The following ASTN1 variants were observed in gnomAD, a reference collection of about 807,000 sequenced individuals.
ASTN1 encodes astrotactin 1.
A neutral mutation model predicts 140.7 loss-of-function variants in ASTN1; 41 were observed. The observed-to-expected ratio is 0.29, with a 90% CI of 0.23 to 0.38. The LOEUF (loss-of-function observed/expected upper bound fraction) is 0.38. Among genes scored for constraint, ASTN1 ranks in the 10% least tolerant of loss-of-function variants. The probability of loss-of-function intolerance (pLI) is 1.00; values close to 1 mark genes in which losing one functional copy is unlikely to be tolerated. For missense variants in ASTN1, 1,479 were observed against 1,678.8 expected (o/e 0.88, Z 2.08); for synonymous variants, 640 against 652.2 (o/e 0.98, Z 0.29).
chr1:176,949,134 G>A, intron 12 of ASTN1, 51 bp downstream of exon 12: 1 of 1,604,348 alleles, frequency 6.2e-7, no homozygotes, highest in Non-Finnish European at 8.5e-7. Flanking sequence ...TGAAAGTCCT[G>A]CGTCCTGGGA....
chr1:177,058,978 G>T (rs982777472), intron 2 of ASTN1, among the ~76,000 whole-genome samples: 1 of 152,028 alleles, frequency 6.6e-6, no homozygotes, highest in African/African-American at 2.4e-5. Flanking sequence ...GCAGATTCTC[G>T]CACTATGCCC....
intron 2 of ASTN1, among the ~76,000 whole-genome samples, chr1:177,052,726 C>T (rs769414893): frequency 6.6e-6 from 1 of 152,206 alleles, no homozygotes; most frequent in African/African-American, 2.4e-5. Context: ...CTCACCATGA[C>T]AGCATCTTGT....
At chr1:177,078,132 C>T (rs535099429) in intron 1 of ASTN1, among the ~76,000 whole-genome samples, 18 of 152,118 alleles carry the variant, frequency 1.2e-4, no homozygotes, top group East Asian at 5.8e-4. Context: ...ACACCAGGTA[C>T]GATGGTAGGG....
Position 177,164,697 on chromosome 1 carries a change from C to T in ASTN1, c.-21G>A. On this transcript the variant is annotated 5_prime_UTR_variant, in exon 1 of 23. Transcript: ENST00000361833. ...GCCATCTTGAGCCCCGGCCGCCTTC[C>T]TCCTAGCGCTGCGATGGTGGGGGAG... 6.6e-7 allele frequency: 1 copy of T among 1,526,080 alleles called. No individual in the cohort carries two copies. Among genetic ancestry groups the T allele is most frequent in the Non-Finnish European group, 8.8e-7 (1 of 1,140,112 alleles). 94.5% of individuals were successfully genotyped at this position (1,526,080 alleles called of 1,614,324 possible). A position where few individuals can be genotyped will look rare whatever the true frequency, so the allele number is the denominator to read the frequency against.
At chr1:177,137,386 T>C (rs974173664) in intron 1 of ASTN1, among the ~76,000 whole-genome samples, 2 of 151,912 alleles carry the variant, frequency 1.3e-5, no homozygotes, top group Non-Finnish European at 2.9e-5. Context: ...TTAACTAAGA[T>C]GAAAATAATG....
intron 14 of ASTN1, among the ~76,000 whole-genome samples, chr1:176,938,779 T>C (rs542336230): frequency 1.5e-4 from 23 of 152,208 alleles, no homozygotes; most frequent in Non-Finnish European, 2.8e-4. Flanking sequence ...ATCTGCCTTA[T>C]AGGCAGGTTG....
At chr1:177,132,722 G>A (rs757814674) in intron 1 of ASTN1, among the ~76,000 whole-genome samples, 1 of 152,146 alleles carries the variant, frequency 6.6e-6, no homozygotes, top group Admixed American at 6.5e-5. Flanking sequence ...AAGCCACCTC[G>A]TATCCTGCCT....
At chr1:177,005,496 A>C (rs1674946834) in intron 8 of ASTN1, among the ~76,000 whole-genome samples, 1 of 152,226 alleles carries the variant, frequency 6.6e-6, no homozygotes, top group Non-Finnish European at 1.5e-5. Context: ...AAGGAAAACT[A>C]GTCACTATAT....
At chr1:176,922,978 C>A (rs1317153662) in intron 16 of ASTN1, among the ~76,000 whole-genome samples, 1 of 152,106 alleles carries the variant, frequency 6.6e-6, no homozygotes, top group Non-Finnish European at 1.5e-5. Flanking sequence ...TATGTATAAA[C>A]CTTGTATCCA....
chr1:176,878,077 A>G (rs907983614), intron 20 of ASTN1, among the ~76,000 whole-genome samples: 1 of 152,102 alleles, frequency 6.6e-6, no homozygotes, highest in Non-Finnish European at 1.5e-5. Flanking sequence ...ACCTTCTCCA[A>G]ATTATCATGC....
chr1:177,007,693 C>T (rs1675066777), intron 8 of ASTN1, among the ~76,000 whole-genome samples: 1 of 152,172 alleles, frequency 6.6e-6, no homozygotes, highest in African/African-American at 2.4e-5. Context: ...AACCGGCATG[C>T]ACGAGTCACT....
chr1:177,078,010 G>C (rs185523367), intron 1 of ASTN1, among the ~76,000 whole-genome samples: 60 of 152,284 alleles, frequency 3.9e-4, no homozygotes, highest in Admixed American at 1.4e-3. Flanking sequence ...AAGCACAGAT[G>C]GGGAGTCTGG....
intron 1 of ASTN1, among the ~76,000 whole-genome samples, chr1:177,104,264 G>A (rs1680439768): frequency 1.3e-5 from 2 of 152,054 alleles, no homozygotes; most frequent in Non-Finnish European, 2.9e-5. Flanking sequence ...AGCAAACAGA[G>A]CATACTCTTT....
At chr1:176,869,284 T>C (rs1391710289) in intron 21 of ASTN1, among the ~76,000 whole-genome samples, 2 of 152,136 alleles carry the variant, frequency 1.3e-5, no homozygotes, top group African/African-American at 4.8e-5. Context: ...AGAAAGAGCA[T>C]TGAACCCAAG....
chr1:176,884,057 G>C (rs1004407758), intron 19 of ASTN1, among the ~76,000 whole-genome samples: 1 of 152,196 alleles, frequency 6.6e-6, no homozygotes, highest in Non-Finnish European at 1.5e-5. Context: ...AGTGTGCCTA[G>C]AGGCAATGAA....
chr1:176,968,770 C>T (rs1268864386), intron 8 of ASTN1, among the ~76,000 whole-genome samples: 1 of 152,144 alleles, frequency 6.6e-6, no homozygotes, highest in African/African-American at 2.4e-5. Flanking sequence ...AAAGAGATTC[C>T]TGCCCTCAAA....
intron 8 of ASTN1, among the ~76,000 whole-genome samples, chr1:176,986,348 G>A (rs1408378512): frequency 6.6e-6 from 1 of 152,164 alleles, no homozygotes; most frequent in Non-Finnish European, 1.5e-5. Context: ...CAACCATCTT[G>A]AGCATCCAAA....
At chr1:176,946,642 G>GT (rs1671970741) in intron 12 of ASTN1, among the ~76,000 whole-genome samples, 1 of 152,170 alleles carries the variant, frequency 6.6e-6, no homozygotes, top group South Asian at 2.1e-4. Flanking sequence ...TCCTGGCACT[G>GT]TACTGTTTGA....
At chr1:176,968,423 T>C (rs1672979560) in intron 8 of ASTN1, among the ~76,000 whole-genome samples, 1 of 152,206 alleles carries the variant, frequency 6.6e-6, no homozygotes, top group South Asian at 2.1e-4. Context: ...TCACATAGGC[T>C]GGAGAGGAGG....
Sources: gnomAD v4.1 joint callset for allele counts (sites outside exome capture counted in the v4.1 genomes callset) on GRCh38, gnomAD v4.1.1 for gene constraint, MANE v1.5 for transcripts, NCBI Gene and HGNC (gene_info 2026-07-23, HGNC 2026-07-21) for gene names.